The following FGF12 variants were observed in gnomAD, a reference collection of about 807,000 sequenced individuals.
FGF12 encodes fibroblast growth factor 12B.
In FGF12, 14 loss-of-function variants were observed where a neutral mutation model predicts 23.6. That is an observed-to-expected ratio of 0.59 (90% CI 0.39 to 0.93). The LOEUF (loss-of-function observed/expected upper bound fraction) is 0.93. FGF12 is among the 40% of genes least tolerant of loss of function. The pLI is 0.00. For synonymous variants in FGF12, 62 were observed against 77.3 expected (o/e 0.80, Z 1.04); for missense variants, 175 against 217.8 (o/e 0.80, Z 1.24).
chr3:192,355,352 GTAGA>G (rs1010690424), intron 3 of FGF12, among the ~76,000 whole-genome samples: 8 of 152,162 alleles, frequency 5.3e-5, no homozygotes, highest in Admixed American at 3.3e-4. Flanking sequence ...GATCAATATA[GTAGA>G]TAGATAAAGA....
intron 2 of FGF12, among the ~76,000 whole-genome samples, chr3:192,556,420 C>T (rs576007517): frequency 6.6e-6 from 1 of 151,868 alleles, no homozygotes; most frequent in Non-Finnish European, 1.5e-5. Flanking sequence ...TTATAAGAGA[C>T]AAAGAAGGAC....
At chr3:192,703,368 A>T (rs1420217599) in intron 2 of FGF12, among the ~76,000 whole-genome samples, 1 of 152,226 alleles carries the variant, frequency 6.6e-6, no homozygotes, top group Non-Finnish European at 1.5e-5. Context: ...ATCATTGCTA[A>T]AAAATTGCTA....
intron 2 of FGF12, among the ~76,000 whole-genome samples, chr3:192,366,729 G>A (rs1719002937): frequency 6.6e-6 from 1 of 152,086 alleles, no homozygotes; most frequent in Admixed American, 6.6e-5. Context: ...GTCATATGAA[G>A]AATGGCTGAA....
intron 2 of FGF12, among the ~76,000 whole-genome samples, chr3:192,546,434 G>A (rs562889311): frequency 4.2e-4 from 63 of 149,826 alleles, no homozygotes; most frequent in Non-Finnish European, 6.8e-4. Context: ...TTTAAAATGC[G>A]CAGCAAATTT....
At chr3:192,330,436 T>C (rs1043070629) in intron 4 of FGF12, among the ~76,000 whole-genome samples, 2 of 152,068 alleles carry the variant, frequency 1.3e-5, no homozygotes, top group Non-Finnish European at 2.9e-5. Flanking sequence ...TAATATGTGG[T>C]CAAATCATCT....
chr3:192,473,989 G>A (rs1723244983), intron 2 of FGF12, among the ~76,000 whole-genome samples: 1 of 152,186 alleles, frequency 6.6e-6, no homozygotes, highest in Non-Finnish European at 1.5e-5. Context: ...CATGGTGTGT[G>A]AGCATGAATT....
At chr3:192,560,189 C>T (rs946625228) in intron 2 of FGF12, among the ~76,000 whole-genome samples, 8 of 151,450 alleles carry the variant, frequency 5.3e-5, no homozygotes, top group Admixed American at 2.6e-4. Flanking sequence ...TGTATGTTCA[C>T]GAAAACAAAT....
rs1479901228 is a variant in FGF12 at position 192,280,079 on chromosome 3, AC to A, written c.228+55281del. Among the ~76,000 whole-genome samples the A allele has an allele frequency of 4.6e-5, 7 of 152,314 alleles. No individual in the cohort carries two copies. In the East Asian group the frequency reaches 1.3e-3, roughly 29 times the overall value. On this transcript the variant is annotated intron_variant, in intron 4 of 5. Coordinates refer to ENST00000445105, the MANE Select transcript of FGF12 (RefSeq NM_004113.6). ...CATGTCAACTGGATGAAAATAAAAGACAGTTTCAAAGATCAAAGAAGCCTAA... is the reference window on the plus strand; with the variant it reads ...CATGTCAACTGGATGAAAATAAAAGAAGTTTCAAAGATCAAAGAAGCCTAA...
intron 2 of FGF12, among the ~76,000 whole-genome samples, chr3:192,673,903 C>T (rs1560190243): frequency 6.6e-6 from 1 of 151,074 alleles, no homozygotes; most frequent in Non-Finnish European, 1.5e-5. Context: ...TGGGTATATA[C>T]CCAGTAATGG....
intron 2 of FGF12, among the ~76,000 whole-genome samples, chr3:192,519,415 T>A (rs987787604): frequency 6.6e-6 from 1 of 152,224 alleles, no homozygotes; most frequent in Non-Finnish European, 1.5e-5. Flanking sequence ...GCCATAGAAG[T>A]GATGTTGTAT....
At chr3:192,430,374 G>A (rs1721824731) in intron 2 of FGF12, among the ~76,000 whole-genome samples, 1 of 152,160 alleles carries the variant, frequency 6.6e-6, no homozygotes, top group African/African-American at 2.4e-5. Flanking sequence ...GGGGAAAATG[G>A]GGAATAGCTG....
intron 2 of FGF12, among the ~76,000 whole-genome samples, chr3:192,616,909 T>C (rs1481396979): frequency 1.3e-5 from 2 of 151,922 alleles, no homozygotes; most frequent in African/African-American, 2.4e-5. Context: ...ATGTGAGAGA[T>C]GTCAGAATGT....
chr3:192,640,998 A>G (rs2108664332), intron 2 of FGF12, among the ~76,000 whole-genome samples: 1 of 151,574 alleles, frequency 6.6e-6, no homozygotes, highest in East Asian at 1.9e-4. Flanking sequence ...ATTTTTTTGT[A>G]GAGACAGAGG....
intron 3 of FGF12, among the ~76,000 whole-genome samples, chr3:192,359,152 TCAA>T (rs1482547306): frequency 6.6e-6 from 1 of 152,118 alleles, no homozygotes; most frequent in Non-Finnish European, 1.5e-5. Flanking sequence ...AATCAGCCAA[TCAA>T]CAACTTAGCA....
At chr3:192,605,817 A>C (rs1421845729) in intron 2 of FGF12, among the ~76,000 whole-genome samples, 1 of 152,208 alleles carries the variant, frequency 6.6e-6, no homozygotes, top group East Asian at 1.9e-4. Flanking sequence ...GACCACAATG[A>C]CATACCATCT....
At chr3:192,601,692 G>A (rs1335627601) in intron 2 of FGF12, among the ~76,000 whole-genome samples, 2 of 152,068 alleles carry the variant, frequency 1.3e-5, no homozygotes, top group Admixed American at 6.6e-5. Context: ...CAGTATTCCT[G>A]GGGGACTGGT....
chr3:192,232,922 A>G (rs4687298), intron 4 of FGF12, among the ~76,000 whole-genome samples: 50,127 of 152,056 alleles, frequency 0.33, 9,443 homozygotes, highest in East Asian at 0.89. Context: ...CACGACGTAC[A>G]TGTGCCATGT....
chr3:192,415,004 T>A (rs1379658833), intron 2 of FGF12, among the ~76,000 whole-genome samples: 1 of 152,152 alleles, frequency 6.6e-6, no homozygotes, highest in Non-Finnish European at 1.5e-5. Flanking sequence ...TCCTTCTTAG[T>A]TTAGTAATTC....
chr3:192,519,947 C>G lies in FGF12; in HGVS notation c.14-159409G>C, dbSNP rs7651056. On this transcript the variant is annotated intron_variant, in intron 2 of 5. Coordinates refer to ENST00000445105, the MANE Select transcript of FGF12 (RefSeq NM_004113.6). ...TACCCCAATTGTTTTTTAGCAGTTCCTTAATTGTTTGGCATCACATAATGT... is the reference window on the plus strand; with the variant it reads ...TACCCCAATTGTTTTTTAGCAGTTCGTTAATTGTTTGGCATCACATAATGT... 5.0e-3 allele frequency among the ~76,000 whole-genome samples: 761 copies of G among 152,270 alleles called. 7 individuals carry two copies. Among genetic ancestry groups the G allele is most frequent in the African/African-American group, 0.017 (718 of 41,560 alleles).
Sources: allele counts gnomAD v4.1 joint callset (sites outside exome capture counted in the v4.1 genomes callset), GRCh38; gene constraint gnomAD v4.1.1; transcripts MANE v1.5; gene names NCBI Gene and HGNC (gene_info 2026-07-23, HGNC 2026-07-21).